The following DPH5 variants were observed in gnomAD, a reference collection of about 807,000 sequenced individuals.
DPH5 encodes the protein diphthine methyl ester synthase.
Under a neutral mutation model 31.6 loss-of-function variants are expected in DPH5, and 31 were observed. The observed-to-expected ratio is 0.98, with a 90% CI of 0.74 to 1.32. The LOEUF is 1.32. DPH5 is among the 40% of genes most tolerant of loss of function. DPH5 has a pLI of 0.00. For missense variants in DPH5, 309 were observed against 335.7 expected, an observed-to-expected ratio of 0.92 and a Z score of 0.62; for synonymous variants, 120 against 115.0, an observed-to-expected ratio of 1.04 and a Z score of -0.28.
rs145578624 is a variant in DPH5, at chr1:100,994,908, C to G, written c.530+202G>C. Reference sequence around the variant, plus strand: ...TCTGTTAGATGCCAACCACTGTTCTCAGTGTTGAATCCACAAAATATATTG... The same window carrying G: ...TCTGTTAGATGCCAACCACTGTTCTGAGTGTTGAATCCACAAAATATATTG... On this transcript the variant is annotated intron_variant, in intron 6 of 7. Transcript: ENST00000370109. Among the ~76,000 whole-genome samples, 8 of 152,318 alleles carry G rather than the reference C, an allele frequency of 5.3e-5. No individual in the cohort carries two copies. In the East Asian group the frequency reaches 1.5e-3, roughly 29 times the overall value.
intron 4 of DPH5, among the ~76,000 whole-genome samples, chr1:101,012,246 A>G (rs1010702507): frequency 9.2e-5 from 14 of 152,194 alleles, no homozygotes; most frequent in African/African-American, 3.4e-4. Context: ...AAGCTTGTCC[A>G]GTCTGCCTTA....
chr1:101,021,809 A>G (rs763786044), intron 2 of DPH5, 44 bp from the exon 3 acceptor site: 1 of 1,487,464 alleles, frequency 6.7e-7, no homozygotes, highest in South Asian at 1.2e-5. Context: ...ACAGCAGGTG[A>G]CCATTCTAAC....
At position 101,013,819 on chromosome 1, in the gene DPH5, C is replaced by A; in HGVS notation, c.261-1G>T. On this transcript the variant is annotated splice_acceptor_variant, in intron 3 of 7. Coordinates refer to ENST00000370109, the MANE Select transcript of DPH5 (RefSeq NM_015958.3). LOFTEE classifies it high-confidence loss of function. The stretch of plus-strand genomic sequence containing the variant: ...AACAAGATCACTGTGTGTTGTGGCC[C>A]TGTAGTGAGAAAAGATTAGATTGGA... 1 of 1,603,804 alleles carries A rather than the reference C, an allele frequency of 6.2e-7. No homozygotes were observed. The highest frequency in any genetic ancestry group is 8.5e-7 in the Non-Finnish European group (1 of 1,175,544).
chr1:100,994,384 C>G (rs1658134400), intron 6 of DPH5, among the ~76,000 whole-genome samples: 1 of 152,064 alleles, frequency 6.6e-6, no homozygotes, highest in Non-Finnish European at 1.5e-5. Flanking sequence ...GCTCCTTAGT[C>G]ACAAGTGGGT....
In DPH5 at chr1:100,992,823, T is replaced by C. The variant is rs147312227; in HGVS notation, c.531-83A>G. ...TTAATGCAATTAGCTCTCCCAGGTA[T>C]ACTCAAGTACCACAGTCTACATTCT... On this transcript the variant is annotated intron_variant, in intron 6 of 7. Transcript: ENST00000370109. 4.0e-4 allele frequency: 345 copies of C among 864,506 alleles called. 1 individual carries two copies. The African/African-American group carries it at 5.1e-3, about 13-fold the overall frequency. The allele number at this position is 864,506 out of a possible 1,614,324, so 53.6% of individuals were successfully genotyped here. A position where few individuals can be genotyped will look rare whatever the true frequency, so the allele number is the denominator to read the frequency against.
intron 4 of DPH5, among the ~76,000 whole-genome samples, chr1:101,010,824 CA>C (rs1445466921): frequency 6.6e-6 from 1 of 151,236 alleles, no homozygotes; most frequent in Non-Finnish European, 1.5e-5. Context: ...CCTGCCATGC[CA>C]AAAAAAAGAC....
chr1:101,009,429 C>A (rs1264836836), intron 4 of DPH5, among the ~76,000 whole-genome samples: 1 of 152,046 alleles, frequency 6.6e-6, no homozygotes, highest in Non-Finnish European at 1.5e-5. Context: ...GGAAAAGGAC[C>A]CATTAGCATA....
chr1:101,001,610 A>T, intron 4 of DPH5, 23 bp from the exon 5 acceptor site: 4 of 1,492,716 alleles, frequency 2.7e-6, no homozygotes, highest in Non-Finnish European at 3.7e-6. Flanking sequence ...ACATTAATTA[A>T]TGATGGAACA....
intron 7 of DPH5, among the ~76,000 whole-genome samples, chr1:100,992,090 C>CCT (rs952337190): frequency 4.7e-5 from 7 of 149,908 alleles, no homozygotes; most frequent in African/African-American, 4.9e-5. Flanking sequence ...AAAGTGAGAC[C>CCT]CTCTCTCAAA....
rs1657520147 is a variant in DPH5 at position 100,989,967 on chromosome 1, C to G, written c.*441G>C. On this transcript the variant is annotated 3_prime_UTR_variant, in exon 8 of 8. Transcript: ENST00000370109. ...TTTTTGGTCACTTGTTTTATACTTA[C>G]TAGATAAGCCAAAAGACCTGTTTGT... 2 of 163,852 alleles carry G rather than the reference C, an allele frequency of 1.2e-5. No homozygotes were observed. Among genetic ancestry groups the G allele is most frequent in the African/African-American group, 4.8e-5 (2 of 41,532 alleles). 10.1% of individuals were successfully genotyped at this position (163,852 alleles called of 1,614,324 possible). A position where few individuals can be genotyped will look rare whatever the true frequency, so the allele number is the denominator to read the frequency against.
chr1:101,014,086 C>T (rs1391913923), intron 3 of DPH5, among the ~76,000 whole-genome samples: 1 of 152,150 alleles, frequency 6.6e-6, no homozygotes, highest in African/African-American at 2.4e-5. Flanking sequence ...TGCCCACTGT[C>T]CTGTAAATAC....
At chr1:100,994,987 T>C in intron 6 of DPH5, 123 bp downstream of exon 6, 1 of 644,504 alleles carries the variant, frequency 1.6e-6, no homozygotes, top group Non-Finnish European at 2.8e-6. Flanking sequence ...AAATGCTTAA[T>C]GTTCACACTG....
chr1:101,025,485 A>C lies in DPH5; in HGVS notation c.-23-19T>G. On this transcript the variant is annotated intron_variant, in intron 1 of 7. Coordinates refer to ENST00000370109, the MANE Select transcript of DPH5 (RefSeq NM_015958.3). Reference sequence around the variant, plus strand: ...AGAGAGACTGCAAGACGAAGTGGACAGAAAAACCGTCAGTAACACCGAGGA... The same window carrying C: ...AGAGAGACTGCAAGACGAAGTGGACCGAAAAACCGTCAGTAACACCGAGGA... 6.2e-7 allele frequency: 1 copy of C among 1,610,818 alleles called. No homozygotes were observed. Among genetic ancestry groups the C allele is most frequent in the Non-Finnish European group, 8.5e-7 (1 of 1,179,274 alleles).
chr1:100,990,403 T>G lies in DPH5; in HGVS notation c.*5A>C, dbSNP rs1315878953. ...TTTACATCAGACAATGGTAAATATCTATGTTCAAAGTCCATTGATGCTTTG... is the reference window on the plus strand; with the variant it reads ...TTTACATCAGACAATGGTAAATATCGATGTTCAAAGTCCATTGATGCTTTG... On this transcript the variant is annotated 3_prime_UTR_variant, in exon 8 of 8. Transcript: ENST00000370109. The G allele has an allele frequency of 6.8e-6, 11 of 1,612,072 alleles. No homozygotes were observed. The highest frequency in any genetic ancestry group is 1.3e-5 in the African/African-American group (1 of 74,880).
Position 100,994,571 on chromosome 1 carries a change from G to C in DPH5, c.530+539C>G, listed in dbSNP as rs1658158459. On this transcript the variant is annotated intron_variant, in intron 6 of 7. Transcript: ENST00000370109. ...TTTTTTTTTCTCACTCTGTTACCCA[G>C]GCTGGAGTGCAGTGGCGTGATCTCA... 2.0e-5 allele frequency among the ~76,000 whole-genome samples: 3 copies of C among 151,206 alleles called. No homozygotes were observed. The East Asian group carries it at 5.8e-4, about 29-fold the overall frequency.
In DPH5 at chr1:100,995,151, T is replaced by C; in HGVS notation, c.491-2A>G. On this transcript the variant is annotated splice_acceptor_variant, in intron 5 of 7. Transcript: ENST00000370109. LOFTEE classifies it high-confidence loss of function. ...AAGACTGCTCCTTTACTTTGATGTC[T>C]GTAGGAAGTAAAAATAGTTCTTTTA... The C allele has an allele frequency of 6.4e-7, 1 of 1,567,694 alleles. No individual in the cohort carries two copies. Among genetic ancestry groups the C allele is most frequent in the East Asian group, 2.2e-5 (1 of 44,450 alleles).
In DPH5 at chr1:101,005,550, G is replaced by A. The variant is rs146054863; in HGVS notation, c.370-3963C>T. On this transcript the variant is annotated intron_variant, in intron 4 of 7. Transcript: ENST00000370109. The stretch of plus-strand genomic sequence containing the variant: ...TAGGTACATAAAGTTGAATGACTAC[G>A]TAGACAGAAGAGCTACAAGATTTAT... Among the ~76,000 whole-genome samples, 314 of 152,272 alleles carry A rather than the reference G, an allele frequency of 2.1e-3. 1 individual carries two copies. Among genetic ancestry groups the A allele is most frequent in the African/African-American group, 7.3e-3 (303 of 41,538 alleles).
At position 100,992,664 on chromosome 1, in the gene DPH5, T is replaced by G; in HGVS notation, c.607A>C (p.Asn203His). 1 of 1,613,976 alleles carries G rather than the reference T, an allele frequency of 6.2e-7. No homozygotes were observed. ...AAQQLLEIVQ[N>H]QRIRGEEPAV... is the part of the protein sequence containing the mutation. ...GGTTCTTCTCCTCGTATTCTTTGAT[T>G]TTGAACAATCTCCAGAAGCTGCTGG... Residue 203 changes from asparagine to histidine, a missense_variant, in exon 7 of 8, where the codon AAT (asparagine) becomes CAT (histidine). By Grantham distance (68) the Asn-to-His change is moderately conservative (BLOSUM62 1). Transcript: ENST00000370109.
intron 7 of DPH5, 53 bp from the exon 8 acceptor site, chr1:100,990,684 C>A: frequency 1.3e-6 from 2 of 1,543,328 alleles, no homozygotes; most frequent in South Asian, 1.1e-5. Flanking sequence ...ATCATCCATC[C>A]AACAGTCAAA....
Sources: gnomAD v4.1 joint callset for allele counts (sites outside exome capture counted in the v4.1 genomes callset) on GRCh38, gnomAD v4.1.1 for gene constraint, MANE v1.5 for transcripts, NCBI Gene and HGNC (gene_info 2026-07-23, HGNC 2026-07-21) for gene names.